Variants in ANO2 observed in about 807,000 individuals in gnomAD.
The protein encoded by ANO2 is anoctamin 2.
Under a neutral mutation model 124.2 loss-of-function variants are expected in ANO2, and 101 were observed. The ratio of observed to expected loss-of-function variants is 0.81; its 90% CI spans 0.69 to 0.96. The LOEUF (loss-of-function observed/expected upper bound fraction) is 0.96. ANO2 is among the 40% of genes least tolerant of loss of function. The pLI, the probability that ANO2 is intolerant of heterozygous loss-of-function variation, is 0.00. For synonymous variants in ANO2, 486 were observed against 482.5 expected (o/e 1.01, Z -0.09); for missense variants, 1,293 against 1,274.5 (o/e 1.01, Z -0.22).
chr12:5,891,349 T>C (rs1367643172), intron 3 of ANO2, among the ~76,000 whole-genome samples: 1 of 152,154 alleles, frequency 6.6e-6, no homozygotes, highest in Non-Finnish European at 1.5e-5. Flanking sequence ...TCCTCTTTGC[T>C]CCCAAGAGGT....
intron 7 of ANO2, among the ~76,000 whole-genome samples, chr12:5,818,953 C>A (rs1020554782): frequency 2.0e-5 from 3 of 152,172 alleles, no homozygotes; most frequent in Non-Finnish European, 2.9e-5. Flanking sequence ...AGCATCAAAT[C>A]TGCTAAGATG....
intron 16 of ANO2, among the ~76,000 whole-genome samples, chr12:5,620,550 T>C (rs1945063373): frequency 1.3e-5 from 2 of 152,080 alleles, no homozygotes; most frequent in African/African-American, 2.4e-5. Flanking sequence ...TGGAATTCTA[T>C]AGGAGTTGAA....
intron 22 of ANO2, among the ~76,000 whole-genome samples, chr12:5,576,255 C>T (rs1942404522): frequency 6.6e-6 from 1 of 152,202 alleles, no homozygotes; most frequent in Admixed American, 6.5e-5. Flanking sequence ...TGCAGCAAAG[C>T]ATGCTAAGTC....
chr12:5,684,631 C>T (rs1948631823), intron 14 of ANO2, among the ~76,000 whole-genome samples: 1 of 152,142 alleles, frequency 6.6e-6, no homozygotes, highest in South Asian at 2.1e-4. Context: ...ACCTAGGAAA[C>T]CCACCCCAAC....
At chr12:5,844,417 G>A (rs181002138) in intron 4 of ANO2, among the ~76,000 whole-genome samples, 31 of 152,288 alleles carry the variant, frequency 2.0e-4, no homozygotes, top group South Asian at 4.1e-4. Flanking sequence ...GGTGACAGAC[G>A]TACGACACTT....
chr12:5,818,988 T>G (rs1342548020), intron 7 of ANO2, among the ~76,000 whole-genome samples: 1 of 152,168 alleles, frequency 6.6e-6, no homozygotes, highest in Non-Finnish European at 1.5e-5. Flanking sequence ...TCTTATCTCC[T>G]GAAGACAAAG....
At chr12:5,651,671 C>T (rs1388779809) in intron 14 of ANO2, among the ~76,000 whole-genome samples, 2 of 152,170 alleles carry the variant, frequency 1.3e-5, no homozygotes, top group Admixed American at 6.5e-5. Context: ...AATATATAGT[C>T]ATATAACCAC....
chr12:5,629,456 G>A (rs779044057), intron 16 of ANO2, among the ~76,000 whole-genome samples: 2 of 152,164 alleles, frequency 1.3e-5, no homozygotes, highest in Non-Finnish European at 2.9e-5. Context: ...ACCCCACTGG[G>A]TCCTGACCTG....
At position 5,612,956 on chromosome 12, in the gene ANO2, A is replaced by C; in HGVS notation, c.1931T>G (p.Phe644Cys). 6.2e-7 allele frequency: 1 copy of C among 1,613,920 alleles called. No homozygotes were observed. The highest frequency in any genetic ancestry group is 8.5e-7 in the Non-Finnish European group (1 of 1,179,858). The change falls in exon 18 of 25, where the codon TTT becomes TGT. Residue 644 changes from phenylalanine (F) to cysteine (C), a missense_variant and splice_region_variant. Coordinates refer to ENST00000682330, the MANE Select transcript of ANO2 (RefSeq NM_001364791.2). ...GACGTAGCTTCCAGGCCTGCCCACA[A>C]ACCTGAAATCAAACAGTGTGGGAAG... ...IFYVAFFKGR[F>C]VGRPGSYVYV...
rs368444982 is a variant in ANO2 at position 5,923,101 on chromosome 12, CAT to C, written c.23-299_23-298del. On this transcript the variant is annotated intron_variant, in intron 1 of 24. Coordinates refer to ENST00000682330, the MANE Select transcript of ANO2 (RefSeq NM_001364791.2). ...ACACATACACACACACACGCACACA[CAT>C]ACACACACATGCACGCACACACACC... is the stretch of plus-strand genomic sequence containing the variant. 2.0e-3 allele frequency among the ~76,000 whole-genome samples: 135 copies of C among 66,278 alleles called. 13 individuals carry two copies. Among genetic ancestry groups the C allele is most frequent in the Middle Eastern group, 9.3e-3 (1 of 108 alleles). The allele number at this position is 66,278 out of a possible 152,430, so 43.5% of individuals were successfully genotyped here.
intron 19 of ANO2, 58 bp downstream of exon 19, chr12:5,612,598 G>A: frequency 1.4e-6 from 2 of 1,439,446 alleles, no homozygotes; most frequent in Middle Eastern, 1.7e-4. Context: ...TGAAAGGCTG[G>A]CACTTCTGGG....
intron 14 of ANO2, among the ~76,000 whole-genome samples, chr12:5,667,930 C>T (rs866264408): frequency 3.9e-5 from 6 of 152,204 alleles, no homozygotes; most frequent in African/African-American, 1.4e-4. Context: ...ATATGTACCA[C>T]ATTATCTTTA....
At chr12:5,920,819 A>G (rs1278946774) in intron 3 of ANO2, among the ~76,000 whole-genome samples, 1 of 152,162 alleles carries the variant, frequency 6.6e-6, no homozygotes, top group East Asian at 1.9e-4. Flanking sequence ...GTGAGCCAAG[A>G]TCACACCACT....
intron 14 of ANO2, among the ~76,000 whole-genome samples, chr12:5,701,087 ATTTTTTT>A (rs56113538): frequency 1.1e-5 from 1 of 93,610 alleles, no homozygotes; most frequent in South Asian, 4.0e-4. Context: ...GTCATTTTCA[ATTTTTTT>A]TTTTTTTTTT....
chr12:5,923,064 ACACACACATG>A (rs1941804930), intron 1 of ANO2, among the ~76,000 whole-genome samples: 1 of 112,118 alleles, frequency 8.9e-6, no homozygotes, highest in African/African-American at 3.3e-5. Context: ...ACCCACATAC[ACACACACATG>A]CACACATACA....
intron 4 of ANO2, among the ~76,000 whole-genome samples, chr12:5,834,444 C>A (rs142648952): frequency 2.3e-3 from 343 of 152,284 alleles, no homozygotes; most frequent in African/African-American, 7.3e-3. Context: ...ATATAAAGTA[C>A]TTTGAGGGTT....
At position 5,769,712 on chromosome 12, in the gene ANO2, C is replaced by T. The variant is rs546701253; in HGVS notation, c.1056-18742G>A. 2.6e-5 allele frequency among the ~76,000 whole-genome samples: 4 copies of T among 152,308 alleles called. No individual in the cohort carries two copies. The South Asian group carries it at 6.2e-4, about 24-fold the overall frequency. ...AAGATCTCAGAGTAAAATAAAATCGCTCCATTTCTGCGTGCACCCTTCATT... is the reference window on the plus strand; with the variant it reads ...AAGATCTCAGAGTAAAATAAAATCGTTCCATTTCTGCGTGCACCCTTCATT... On this transcript the variant is annotated intron_variant, in intron 10 of 24. Transcript: ENST00000682330. This position sits in a 1 kb window ranked among gnomAD's most constrained non-coding sequence, Gnocchi z 4.0.
At chr12:5,703,245 A>G (rs1012472493) in intron 14 of ANO2, among the ~76,000 whole-genome samples, 1 of 152,240 alleles carries the variant, frequency 6.6e-6, no homozygotes, top group Non-Finnish European at 1.5e-5. Flanking sequence ...GCTAAATAAT[A>G]TGTATAGTAT....
At chr12:5,645,031 T>C (rs1267431685) in intron 15 of ANO2, among the ~76,000 whole-genome samples, 2 of 152,176 alleles carry the variant, frequency 1.3e-5, no homozygotes, top group African/African-American at 4.8e-5. Flanking sequence ...ATGATGCATC[T>C]AGATGCAGAT....
Sources: allele counts gnomAD v4.1 joint callset (sites outside exome capture counted in the v4.1 genomes callset), GRCh38; gene constraint gnomAD v4.1.1; non-coding constraint Gnocchi (gnomAD v3.1); transcripts MANE v1.5; gene names NCBI Gene and HGNC (gene_info 2026-07-23, HGNC 2026-07-21).